MN1: variants seen among roughly 807,000 people sequenced by gnomAD.
MN1 encodes transcriptional activator MN1.
A neutral mutation model predicts 86.9 loss-of-function variants in MN1; 19 were observed. That is an observed-to-expected ratio of 0.22 (90% CI 0.15 to 0.32). The LOEUF (loss-of-function observed/expected upper bound fraction) is 0.32, where lower values mean the gene tolerates loss of function less well. Among genes scored for constraint, MN1 ranks in the 10% least tolerant of loss-of-function variants. The probability of loss-of-function intolerance (pLI) is 1.00; values close to 1 mark genes in which losing one functional copy is unlikely to be tolerated. For synonymous variants in MN1, 928 were observed against 849.6 expected (o/e 1.09, Z -1.60); for missense variants, 1,841 against 1,862.0 (o/e 0.99, Z 0.21).
rs146246384 is a variant in MN1, at chr22:27,791,429, C to T, written c.3781+5334G>A. On this transcript the variant is annotated intron_variant, in intron 1 of 1. Transcript: ENST00000302326. ...CACCATCCTAAAACAAACACATCGT[C>T]GGCAAGTCAAAATCCTGACTTGAGT... 9.6e-4 allele frequency among the ~76,000 whole-genome samples: 146 copies of T among 152,096 alleles called. 1 individual carries two copies. The highest frequency in any genetic ancestry group is 3.4e-3 in the African/African-American group (140 of 41,484).
intron 1 of MN1, among the ~76,000 whole-genome samples, chr22:27,777,025 C>T (rs889354426): frequency 2.3e-4 from 35 of 152,116 alleles, no homozygotes; most frequent in African/African-American, 8.5e-4. Context: ...GTCTTTAAAA[C>T]GCAAGGGAGG....
chr22:27,798,265 C>T lies in MN1; in HGVS notation c.2279G>A (p.Gly760Asp). Residue 760 changes from glycine (G) to aspartate (D), a missense_variant, in exon 1 of 2, where the codon GGT (glycine) becomes GAT (aspartate). Transcript: ENST00000302326. ...GCTGGGGGGCGAGTTCACGCCTGGA[C>T]CGCTGTGCGGCGTGGACTGCCGGCC... ...AAGRQSTPHS[G>D]PGVNSPPSAG... The T allele has an allele frequency of 6.5e-7, 1 of 1,528,656 alleles. No homozygotes were observed. 94.7% of individuals were successfully genotyped at this position (1,528,656 alleles called of 1,614,324 possible).
At position 27,800,912 on chromosome 22, in the gene MN1, G is replaced by A. The variant is rs1933426001; in HGVS notation, c.-369C>T. 52 of 413,436 alleles carry A rather than the reference G, an allele frequency of 1.3e-4. 2 individuals carry two copies. The highest frequency in any genetic ancestry group is 1.2e-3 in the South Asian group (48 of 38,782). 25.6% of individuals were successfully genotyped at this position (413,436 alleles called of 1,614,324 possible). On this transcript the variant is annotated 5_prime_UTR_variant, in exon 1 of 2. Transcript: ENST00000302326. ...TAAGTGGGGGGAATGGGGAGGGAAG[G>A]GGGTTGGGAGAGCAGAGCGATCACC...
chr22:27,770,298 G>A (rs531212289), intron 1 of MN1, among the ~76,000 whole-genome samples: 114 of 152,258 alleles, frequency 7.5e-4, no homozygotes, highest in Non-Finnish European at 1.4e-3. Context: ...CAGAGTCACA[G>A]TCCATAGACA....
chr22:27,797,240 C>G lies in MN1; in HGVS notation c.3304G>C (p.Ala1102Pro). ...GEHGPKAPPP[A>P]LGLGIMSNST... is the part of the protein sequence containing the mutation. The stretch of plus-strand genomic sequence containing the variant: ...TTAGACATGATGCCCAGGCCGAGGG[C>G]GGGCGGGGGCGCCTTCGGTCCGTGT... The change falls in exon 1 of 2, where the codon GCC becomes CCC. Residue 1102 changes from alanine to proline, a missense_variant. Transcript: ENST00000302326. 1 of 1,570,036 alleles carries G rather than the reference C, an allele frequency of 6.4e-7. No homozygotes were observed.
Position 27,800,888 on chromosome 22 carries a change from A to C in MN1, c.-345T>G. The C allele has an allele frequency of 1.6e-5, 6 of 363,908 alleles. No homozygotes were observed. The highest frequency in any genetic ancestry group is 2.1e-5 in the African/African-American group (1 of 47,520). The allele number at this position is 363,908 out of a possible 1,614,324, so 22.5% of individuals were successfully genotyped here. A position where few individuals can be genotyped will look rare whatever the true frequency, so the allele number is the denominator to read the frequency against. ...CGCGGATGAACGGAGACAAAAAGTT[A>C]AGTGGGGGGAATGGGGAGGGAAGGG... On this transcript the variant is annotated 5_prime_UTR_variant, in exon 1 of 2. Transcript: ENST00000302326.
rs747144553 is a variant in MN1, at chr22:27,797,677, C to T, written c.2867G>A (p.Gly956Asp). Reference sequence around the variant, plus strand: ...CGCCGAGTACTTGTCAAAGAAGGTGCCAGGGCTCACGTGACCACTGTCCCT... The same window carrying T: ...CGCCGAGTACTTGTCAAAGAAGGTGTCAGGGCTCACGTGACCACTGTCCCT... ...RKRDSGHVSPGTFFDKYSAAP... is the reference protein window; with the variant it reads ...RKRDSGHVSPDTFFDKYSAAP... Residue 956 changes from glycine (G) to aspartate (D), a missense_variant, in exon 1 of 2, where the codon GGC (glycine) becomes GAC (aspartate). Gly to Asp is a moderately conservative substitution (Grantham distance 94, BLOSUM62 -1). Transcript: ENST00000302326. 4 of 1,606,530 alleles carry T rather than the reference C, an allele frequency of 2.5e-6. No homozygotes were observed. The highest frequency in any genetic ancestry group is 4.5e-5 in the East Asian group (2 of 44,576).
In MN1 at chr22:27,799,756, C is replaced by A. The variant is rs866357132; in HGVS notation, c.788G>T (p.Arg263Leu). The A allele has an allele frequency of 3.8e-6, 6 of 1,590,276 alleles. No homozygotes were observed. In the South Asian group the frequency reaches 5.7e-5, roughly 15 times the overall value. ...CGGGAAAGCGCCCCCAGGAACCTGG[C>A]GACCCGCTGCATAATGAGGCAGCTG... is the stretch of plus-strand genomic sequence containing the variant. ...EGQLPHYAAG[R>L]QVPGGAFPGA... Residue 263 changes from arginine (R) to leucine (L), a missense_variant, in exon 1 of 2, where the codon CGC (arginine) becomes CTC (leucine). By Grantham distance (102) the Arg-to-Leu change is moderately radical. Transcript: ENST00000302326.
chr22:27,779,396 T>C (rs1172844102), intron 1 of MN1, among the ~76,000 whole-genome samples: 1 of 152,122 alleles, frequency 6.6e-6, no homozygotes, highest in Non-Finnish European at 1.5e-5. Context: ...TTCGAACCAC[T>C]GTCCCGTCAC....
At chr22:27,792,204 G>T (rs1933219818) in intron 1 of MN1, among the ~76,000 whole-genome samples, 1 of 151,404 alleles carries the variant, frequency 6.6e-6, no homozygotes, top group Non-Finnish European at 1.5e-5. Context: ...TAAACTAGAA[G>T]TACATTTCAA....
In MN1 at chr22:27,800,445, G is replaced by GT. The variant is rs753672838; in HGVS notation, c.98dup (p.His33GlnfsTer3). 6.2e-7 allele frequency: 1 copy of GT among 1,614,234 alleles called. No homozygotes were observed. Among genetic ancestry groups the GT allele is most frequent in the Non-Finnish European group, 8.5e-7 (1 of 1,180,038 alleles). ...CAGTGTGGAAAGCCGGGGCCTTAAA[G>GT]TGGGTGTTCATGCTCAGTCCGGTCT... On this transcript the variant is annotated frameshift_variant, in exon 1 of 2. Transcript: ENST00000302326. LOFTEE classifies it high-confidence loss of function.
chr22:27,767,622 G>A (rs1932879661), intron 1 of MN1, among the ~76,000 whole-genome samples: 1 of 152,038 alleles, frequency 6.6e-6, no homozygotes, highest in Non-Finnish European at 1.5e-5. Flanking sequence ...CAACCAACAT[G>A]CCACCCAGCC....
Position 27,748,857 on chromosome 22 carries a change from G to T in MN1, c.*2058C>A, listed in dbSNP as rs965438235. 8.9e-6 allele frequency: 2 copies of T among 225,862 alleles called. No homozygotes were observed. Among genetic ancestry groups the T allele is most frequent in the Non-Finnish European group, 1.8e-5 (2 of 113,442 alleles). The allele number at this position is 225,862 out of a possible 1,614,324, so 14.0% of individuals were successfully genotyped here. ...TTGCTCCCCGGCCTTAAGCAATTAA[G>T]GAGAAATCATTCCTGTTTCAAAAGT... On this transcript the variant is annotated 3_prime_UTR_variant, in exon 2 of 2. Coordinates refer to ENST00000302326, the MANE Select transcript of MN1 (RefSeq NM_002430.3).
intron 1 of MN1, among the ~76,000 whole-genome samples, chr22:27,783,654 T>G (rs910788909): frequency 6.6e-6 from 1 of 152,160 alleles, no homozygotes; most frequent in Non-Finnish European, 1.5e-5. Context: ...GGGCTTTCGT[T>G]ATCTCAACTG....
Position 27,800,777 on chromosome 22 carries a change from G to T in MN1, c.-234C>A. ...AGGGCCTCTCACATCTTGCGAGGCCGCGGGGCCTCTAGGAGCCGTGTTGGG... is the reference window on the plus strand; with the variant it reads ...AGGGCCTCTCACATCTTGCGAGGCCTCGGGGCCTCTAGGAGCCGTGTTGGG... On this transcript the variant is annotated 5_prime_UTR_variant, in exon 1 of 2. Coordinates refer to ENST00000302326, the MANE Select transcript of MN1 (RefSeq NM_002430.3). 3.3e-6 allele frequency: 2 copies of T among 597,112 alleles called. No homozygotes were observed. The highest frequency in any genetic ancestry group is 2.0e-5 in the South Asian group (1 of 49,608). The allele number at this position is 597,112 out of a possible 1,614,324, so 37.0% of individuals were successfully genotyped here. A position where few individuals can be genotyped will look rare whatever the true frequency, so the allele number is the denominator to read the frequency against.
chr22:27,799,328 G>T lies in MN1; in HGVS notation c.1216C>A (p.Gln406Lys). The change falls in exon 1 of 2, where the codon CAA becomes AAA. Residue 406 changes from glutamine (Q) to lysine (K), a missense_variant. Physicochemically the swap from Gln to Lys is moderately conservative, Grantham distance 53 (BLOSUM62 1). Coordinates refer to ENST00000302326, the MANE Select transcript of MN1 (RefSeq NM_002430.3). Reference sequence around the variant, plus strand: ...AGCCGGTGGATGGGATACTCGAATTGCGCGTGCTGGCTGGGCAGCATGGGG... The same window carrying T: ...AGCCGGTGGATGGGATACTCGAATTTCGCGTGCTGGCTGGGCAGCATGGGG... ...GGPMLPSQHA[Q>K]FEYPIHRLEN... is the part of the protein sequence containing the mutation. The T allele has an allele frequency of 1.3e-6, 2 of 1,592,782 alleles. No individual in the cohort carries two copies. Among genetic ancestry groups the T allele is most frequent in the Non-Finnish European group, 8.5e-7 (1 of 1,171,230 alleles).
intron 1 of MN1, among the ~76,000 whole-genome samples, chr22:27,755,494 C>T (rs898928361): frequency 4.6e-5 from 7 of 152,154 alleles, no homozygotes; most frequent in African/African-American, 1.7e-4. Flanking sequence ...CAGCTATGGC[C>T]AGAAAGAACC....
At position 27,769,204 on chromosome 22, in the gene MN1, C is replaced by T. The variant is rs561982673; in HGVS notation, c.3782-18108G>A. Among the ~76,000 whole-genome samples the T allele has an allele frequency of 7.9e-5, 12 of 152,286 alleles. No individual in the cohort carries two copies. The East Asian group carries it at 2.1e-3, about 27-fold the overall frequency. On this transcript the variant is annotated intron_variant, in intron 1 of 1. Coordinates refer to ENST00000302326, the MANE Select transcript of MN1 (RefSeq NM_002430.3). ...CATTGCTAATCAACTGCAGCACTCC[C>T]TCCTAGGGAACCTTCAGAGTCTTTC...
rs773652210 is a variant in MN1, at chr22:27,797,521, G to C, written c.3023C>G (p.Pro1008Arg). The C allele has an allele frequency of 6.2e-7, 1 of 1,607,904 alleles. No individual in the cohort carries two copies. ...CAACTCAGCCCCCTTCCCCCAGGAT[G>C]GCGACGTGAGCGCCTTTTCGTGGGG... ...PTPHEKALTSPSWGKGAELLL... is the reference protein window; with the variant it reads ...PTPHEKALTSRSWGKGAELLL... Residue 1008 changes from proline to arginine, a missense_variant, in exon 1 of 2, where the codon CCA (proline) becomes CGA (arginine). Pro to Arg is a moderately radical substitution (Grantham distance 103, BLOSUM62 -2). Transcript: ENST00000302326.
Sources: allele counts gnomAD v4.1 joint callset (sites outside exome capture counted in the v4.1 genomes callset), GRCh38; gene constraint gnomAD v4.1.1; transcripts MANE v1.5; gene names NCBI Gene and HGNC (gene_info 2026-07-23, HGNC 2026-07-21).